Variants in HSPG2 observed in about 807,000 individuals in gnomAD.
HSPG2 encodes the protein basement membrane-specific heparan sulfate proteoglycan core protein.
Under a neutral mutation model 526.6 loss-of-function variants are expected in HSPG2, and 278 were observed. The ratio of observed to expected loss-of-function variants is 0.53; its 90% CI spans 0.48 to 0.58. The LOEUF (loss-of-function observed/expected upper bound fraction) is 0.58, where lower values mean the gene tolerates loss of function less well. Among genes scored for constraint, HSPG2 ranks in the 20% least tolerant of loss-of-function variants. HSPG2 has a pLI of 0.00. For missense variants in HSPG2, 5,354 were observed against 6,099.5 expected (o/e 0.88, Z 4.07); for synonymous variants, 2,465 against 2,555.4 (o/e 0.96, Z 1.07).
rs1348343043 is a variant in HSPG2 at position 21,893,595 on chromosome 1, G to A, written c.244+2327C>T. Reference sequence around the variant, plus strand: ...CAGGGCCTGGGTCACTTACTGAGAGGGGACTCCTCATCAGGCTCCGAGACC... The same window carrying A: ...CAGGGCCTGGGTCACTTACTGAGAGAGGACTCCTCATCAGGCTCCGAGACC... On this transcript the variant is annotated intron_variant, in intron 3 of 96. Transcript: ENST00000374695. The surrounding 1 kb of genome is among the most constrained non-coding windows in gnomAD (Gnocchi z 4.3). Among the ~76,000 whole-genome samples the A allele has an allele frequency of 6.6e-6, 1 of 152,076 alleles. No individual in the cohort carries two copies. Among genetic ancestry groups the A allele is most frequent in the Non-Finnish European group, 1.5e-5 (1 of 68,008 alleles).
chr1:21,896,171 T>C lies in HSPG2; in HGVS notation c.199+4A>G, dbSNP rs1386392987. 6.2e-7 allele frequency: 1 copy of C among 1,613,660 alleles called. No individual in the cohort carries two copies. Among genetic ancestry groups the C allele is most frequent in the African/African-American group, 1.3e-5 (1 of 74,768 alleles). ...CTGCTCCCAGCCTTGGATCCTTGGC[T>C]CACCTCCTGAGATGCTGTCAGCCAG... On this transcript the variant is annotated splice_donor_region_variant and intron_variant, in intron 2 of 96. Transcript: ENST00000374695.
At position 21,887,360 on chromosome 1, in the gene HSPG2, G is replaced by C. The variant is rs868206399; in HGVS notation, c.959-26C>G. Reference sequence around the variant, plus strand: ...CTAGGAGACCGGGCAGGGGTCAGCAGCATCCTCCCGGGCCAGCTTCCTGCT... The same window carrying C: ...CTAGGAGACCGGGCAGGGGTCAGCACCATCCTCCCGGGCCAGCTTCCTGCT... On this transcript the variant is annotated intron_variant, in intron 8 of 96. Transcript: ENST00000374695. The surrounding 1 kb of genome is among the most constrained non-coding windows in gnomAD (Gnocchi z 5.0). 2 of 1,613,762 alleles carry C rather than the reference G, an allele frequency of 1.2e-6. No homozygotes were observed. Among genetic ancestry groups the C allele is most frequent in the Non-Finnish European group, 1.7e-6 (2 of 1,179,938 alleles).
rs370493062 is a variant in HSPG2, at chr1:21,872,990, G to C, written c.3888+7C>G. On this transcript the variant is annotated splice_region_variant and intron_variant, in intron 31 of 96. Coordinates refer to ENST00000374695, the MANE Select transcript of HSPG2 (RefSeq NM_005529.7). The surrounding 1 kb of genome is among the most constrained non-coding windows in gnomAD (Gnocchi z 5.5). ...CAGGCCCCGCAGGGACAGGGATTCG[G>C]ACTGACCTTGCACTGGCACTGACCA... 82 of 1,610,424 alleles carry C rather than the reference G, an allele frequency of 5.1e-5. No homozygotes were observed. Among genetic ancestry groups the C allele is most frequent in the Non-Finnish European group, 6.6e-5 (78 of 1,178,714 alleles).
rs1464621349 is a variant in HSPG2, at chr1:21,881,506, T to C, written c.1655-4A>G. ...GCAGGCATTGTCACATTCACACCTG[T>C]GGGTGGCAAGGGGGAGGCTGAGGGC... On this transcript the variant is annotated splice_region_variant and splice_polypyrimidine_tract_variant and intron_variant, in intron 13 of 96. Coordinates refer to ENST00000374695, the MANE Select transcript of HSPG2 (RefSeq NM_005529.7). The C allele has an allele frequency of 6.2e-7, 1 of 1,609,114 alleles. No homozygotes were observed. Among genetic ancestry groups the C allele is most frequent in the East Asian group, 2.2e-5 (1 of 44,800 alleles).
chr1:21,921,561 G>A (rs1219878335), intron 1 of HSPG2, among the ~76,000 whole-genome samples: 1 of 152,146 alleles, frequency 6.6e-6, no homozygotes, highest in Non-Finnish European at 1.5e-5. Context: ...AGGGAACACC[G>A]GACTACTGAC....
At chr1:21,845,123 G>A (rs772524660) in intron 64 of HSPG2, among the ~76,000 whole-genome samples, 8 of 152,150 alleles carry the variant, frequency 5.3e-5, no homozygotes, top group Non-Finnish European at 7.3e-5. Flanking sequence ...GAGCACACCT[G>A]TAATCCCAGC....
intron 12 of HSPG2, 27 bp downstream of exon 12, chr1:21,884,740 C>A (rs747153063): frequency 6.2e-6 from 10 of 1,612,444 alleles, no homozygotes; most frequent in Non-Finnish European, 8.5e-6. Flanking sequence ...GCCCCCACAC[C>A]CGGTGACACC....
At position 21,855,636 on chromosome 1, in the gene HSPG2, T is replaced by C. The variant is rs1157260067; in HGVS notation, c.5741A>G (p.His1914Arg). ...GGQLPAKAQI[H>R]GGILRLPAVE... ...AGCTGGCAGGCGCAGGATGCCGCCG[T>C]GGATTTGTGCCTTCGCAGGGAGCTG... is the stretch of plus-strand genomic sequence containing the variant. Residue 1914 changes from histidine (H) to arginine (R), a missense_variant, in exon 46 of 97, where the codon CAC becomes CGC. Transcript: ENST00000374695. The C allele has an allele frequency of 2.5e-6, 4 of 1,576,288 alleles. No homozygotes were observed. Among genetic ancestry groups the C allele is most frequent in the Non-Finnish European group, 3.4e-6 (4 of 1,163,988 alleles).
Position 21,839,549 on chromosome 1 carries a change from G to A in HSPG2, c.9711C>T (p.Gly3237=). The A allele has an allele frequency of 6.2e-7, 1 of 1,613,822 alleles. No homozygotes were observed. The highest frequency in any genetic ancestry group is 8.5e-7 in the Non-Finnish European group (1 of 1,179,924). The part of the protein sequence containing the change: ...HTATLRCSAT[G]SPAPTIHWSK... ...ACCAGTGGATGGTGGGCGCGGGGCT[G>A]CCTGTGGAGTCGAGTGGAAGATGAC... is the stretch of plus-strand genomic sequence containing the variant. Residue 3237 remains glycine, a splice_region_variant and synonymous_variant, in exon 73 of 97, where the codon GGC becomes GGT. Transcript: ENST00000374695. This position sits in a 1 kb window ranked among gnomAD's most constrained non-coding sequence, Gnocchi z 4.5.
At chr1:21,896,692 G>A (rs143690224) in intron 1 of HSPG2, among the ~76,000 whole-genome samples, 1 of 152,266 alleles carries the variant, frequency 6.6e-6, no homozygotes, top group Non-Finnish European at 1.5e-5. Flanking sequence ...CAGCGCAGAT[G>A]GGGGGCACAG....
intron 75 of HSPG2, among the ~76,000 whole-genome samples, chr1:21,836,182 G>A (rs2098025699): frequency 6.6e-6 from 1 of 152,164 alleles, no homozygotes; most frequent in African/African-American, 2.4e-5. Flanking sequence ...TAGCAGAGCT[G>A]AGATCTGGGG....
rs762559450 is a variant in HSPG2, at chr1:21,836,818, G to T, written c.10339C>A (p.Gln3447Lys). 5.0e-5 allele frequency: 79 copies of T among 1,568,064 alleles called. No individual in the cohort carries two copies. The highest frequency in any genetic ancestry group is 6.2e-5 in the Non-Finnish European group (72 of 1,159,900). ...CCCACTCACCGGAGCACCCCATCCTGCACGCTGTGACCCGGAGGCAGCTGA... is the reference window on the plus strand; with the variant it reads ...CCCACTCACCGGAGCACCCCATCCTTCACGCTGTGACCCGGAGGCAGCTGA... ...GGQLPPGHSVQDGVLRIQNLD... is the reference protein window; with the variant it reads ...GGQLPPGHSVKDGVLRIQNLD... Residue 3447 changes from glutamine to lysine, a missense_variant, in exon 75 of 97, where the codon CAG becomes AAG. Physicochemically the swap from Gln to Lys is moderately conservative, Grantham distance 53 (BLOSUM62 1). Coordinates refer to ENST00000374695, the MANE Select transcript of HSPG2 (RefSeq NM_005529.7).
intron 1 of HSPG2, chr1:21,907,977 C>T (rs908420910): frequency 3.2e-5 from 19 of 585,142 alleles, no homozygotes; most frequent in East Asian, 1.9e-4. Context: ...CTATCTCATA[C>T]GGCTGTTGTG....
In HSPG2 at chr1:21,880,433, C is replaced by T. The variant is rs745693808; in HGVS notation, c.2125G>A (p.Asp709Asn). The T allele has an allele frequency of 1.7e-5, 27 of 1,613,902 alleles. No homozygotes were observed. The highest frequency in any genetic ancestry group is 8.0e-5 in the African/African-American group (6 of 74,928). ...GTGACGGTGGTATCCATGGCGATGT[C>T]GCTAAGTCCCACGCTGGCCATCTTG... is the stretch of plus-strand genomic sequence containing the variant. ...NTKMASVGLS[D>N]IAMDTTVTHA... The change falls in exon 16 of 97, where the codon GAC (aspartate) becomes AAC (asparagine). Residue 709 changes from aspartate (D) to asparagine (N), a missense_variant. Physicochemically the swap from Asp to Asn is conservative, Grantham distance 23 (BLOSUM62 1). Transcript: ENST00000374695.
At position 21,847,696 on chromosome 1, in the gene HSPG2, C is replaced by T. The variant is rs778613352; in HGVS notation, c.8018G>A (p.Arg2673Gln). 1.7e-5 allele frequency: 28 copies of T among 1,607,568 alleles called. No individual in the cohort carries two copies. The highest frequency in any genetic ancestry group is 1.6e-4 in the Middle Eastern group (1 of 6,076). ...TGTGGCTCCACTCTGTACCTGGTGT[C>T]GGGAGGGAAGGCTGCCCCCACGCTT... The part of the protein sequence containing the change: ...WYKRGGSLPS[R>Q]HQTHGSHLRL... The change falls in exon 61 of 97, where the codon CGA becomes CAA. Residue 2673 changes from arginine to glutamine, a missense_variant. By Grantham distance (43) the Arg-to-Gln change is conservative. Transcript: ENST00000374695. This position sits in a 1 kb window ranked among gnomAD's most constrained non-coding sequence, Gnocchi z 4.1.
At position 21,824,575 on chromosome 1, in the gene HSPG2, T is replaced by C. The variant is rs1384056322; in HGVS notation, c.12706A>G (p.Thr4236Ala). ...VPETIELEVR[T>A]STASGLLLWQ... ...AGCAGGAGGCCACTGGCTGTGCTGGTCCGAACCTCCAGCTCGATGGTCTCG... is the reference window on the plus strand; with the variant it reads ...AGCAGGAGGCCACTGGCTGTGCTGGCCCGAACCTCCAGCTCGATGGTCTCG... The change falls in exon 93 of 97, where the codon ACC becomes GCC. Residue 4236 changes from threonine to alanine, a missense_variant. Coordinates refer to ENST00000374695, the MANE Select transcript of HSPG2 (RefSeq NM_005529.7). The surrounding 1 kb of genome is among the most constrained non-coding windows in gnomAD (Gnocchi z 5.9). The C allele has an allele frequency of 1.2e-6, 2 of 1,613,752 alleles. No homozygotes were observed. Among genetic ancestry groups the C allele is most frequent in the Admixed American group, 1.7e-5 (1 of 60,010 alleles).
intron 74 of HSPG2, among the ~76,000 whole-genome samples, chr1:21,837,439 T>C (rs1440034133): frequency 6.6e-6 from 1 of 150,508 alleles, no homozygotes; most frequent in Non-Finnish European, 1.5e-5. Context: ...CCACCGTGCC[T>C]GGCTAATTTT....
In HSPG2 at chr1:21,865,026, G is replaced by A. The variant is rs1282547503; in HGVS notation, c.4443C>T (p.Leu1481=). Residue 1481 remains leucine (L), a synonymous_variant, in exon 36 of 97, where the codon CTC becomes CTT. Coordinates refer to ENST00000374695, the MANE Select transcript of HSPG2 (RefSeq NM_005529.7). The surrounding 1 kb of genome is among the most constrained non-coding windows in gnomAD (Gnocchi z 5.4). ...CATCCAGGTCGGCCAGTGCCATCAGGAGGTGCTCGCGTGTGGCCGGCTGCC... is the reference window on the plus strand; with the variant it reads ...CATCCAGGTCGGCCAGTGCCATCAGAAGGTGCTCGCGTGTGGCCGGCTGCC... ...PDGQPATREH[L]LMALADLDEL... 2 of 1,575,906 alleles carry A rather than the reference G, an allele frequency of 1.3e-6. No homozygotes were observed. The highest frequency in any genetic ancestry group is 1.8e-5 in the Admixed American group (1 of 54,684).
At chr1:21,901,454 G>A (rs941254200) in intron 1 of HSPG2, among the ~76,000 whole-genome samples, 4 of 152,052 alleles carry the variant, frequency 2.6e-5, no homozygotes, top group African/African-American at 9.7e-5. Context: ...GAAGGGAGGA[G>A]CCTGGCTGAG....
Sources: gnomAD v4.1 joint callset for allele counts (sites outside exome capture counted in the v4.1 genomes callset) on GRCh38, gnomAD v4.1.1 for gene constraint, Gnocchi (gnomAD v3.1) non-coding constraint, MANE v1.5 for transcripts, NCBI Gene and HGNC (gene_info 2026-07-23, HGNC 2026-07-21) for gene names.